PRKCH: variants seen among roughly 807,000 people sequenced by gnomAD.
PRKCH encodes protein kinase C eta.
PRKCH carries 28 observed loss-of-function variants against 82.5 expected under a neutral mutation model. That is an observed-to-expected ratio of 0.34 (90% confidence interval 0.25 to 0.47). The LOEUF (loss-of-function observed/expected upper bound fraction) is 0.47, where lower values mean the gene tolerates loss of function less well. Ranked by LOEUF, PRKCH falls within the 20% of genes least tolerant of loss-of-function variation. PRKCH has a pLI of 1.00. For synonymous variants in PRKCH, 322 were observed against 327.4 expected, an observed-to-expected ratio of 0.98 and a Z score of 0.18; for missense variants, 705 against 881.8, an observed-to-expected ratio of 0.80 and a Z score of 2.54.
intron 1 of PRKCH, among the ~76,000 whole-genome samples, chr14:61,203,232 A>T (rs1197313495): frequency 6.6e-6 from 1 of 152,116 alleles, no homozygotes; most frequent in African/African-American, 2.4e-5. Context: ...CCCAGACAGG[A>T]TGAGATCCAC....
chr14:61,231,362 A>ATTTT lies in PRKCH; in HGVS notation c.-19+43709_-19+43712dup, dbSNP rs10656204. On this transcript the variant is annotated intron_variant, in intron 1 of 3. Coordinates refer to the PRKCH transcript ENST00000555185. ...ATTTAAGAATTGCTAATCCAGATGA[A>ATTTT]TTTTTTTTTTTTTTTTTTGAGACAG... 3.2e-3 allele frequency among the ~76,000 whole-genome samples: 416 copies of ATTTT among 128,510 alleles called. 15 individuals carry two copies. Among genetic ancestry groups the ATTTT allele is most frequent in the African/African-American group, 0.012 (388 of 33,168 alleles). 84.3% of individuals were successfully genotyped at this position (128,510 alleles called of 152,430 possible). A position where few individuals can be genotyped will look rare whatever the true frequency, so the allele number is the denominator to read the frequency against.
chr14:61,205,590 C>T (rs1369883636), intron 1 of PRKCH, among the ~76,000 whole-genome samples: 1 of 152,166 alleles, frequency 6.6e-6, no homozygotes, highest in Admixed American at 6.5e-5. Context: ...GCACTTCCTG[C>T]CGTGCTGACA....
chr14:61,396,899 T>C (rs921789125), intron 2 of PRKCH, among the ~76,000 whole-genome samples: 13 of 152,194 alleles, frequency 8.5e-5, no homozygotes, highest in Non-Finnish European at 1.3e-4. Flanking sequence ...ACAGCGCCAC[T>C]GTTCACTTTC....
At chr14:61,409,912 G>A (rs1002783334) in intron 2 of PRKCH, among the ~76,000 whole-genome samples, 1 of 152,128 alleles carries the variant, frequency 6.6e-6, no homozygotes, top group Non-Finnish European at 1.5e-5. Flanking sequence ...GTTACTAGGA[G>A]CTTGTTAGGT....
At chr14:61,196,197 G>A (rs1211467349) in intron 1 of PRKCH, among the ~76,000 whole-genome samples, 4 of 152,132 alleles carry the variant, frequency 2.6e-5, no homozygotes, top group Non-Finnish European at 5.9e-5. Flanking sequence ...TGCCAGTGAC[G>A]ACATCTATAG....
rs999030224 is a variant in PRKCH, at chr14:61,260,569, G to A, written c.-19+72901G>A. Among the ~76,000 whole-genome samples the A allele has an allele frequency of 4.6e-5, 7 of 152,160 alleles. No homozygotes were observed. The South Asian group carries it at 1.2e-3, about 27-fold the overall frequency. ...TGAATTGTCATGGTGGCATTCTGTA[G>A]CCATTAAACTTTCAGTTGGAATAAT... On this transcript the variant is annotated intron_variant, in intron 1 of 3. Transcript: ENST00000555185.
chr14:61,374,583 G>A (rs899787012), intron 1 of PRKCH, among the ~76,000 whole-genome samples: 4 of 152,132 alleles, frequency 2.6e-5, no homozygotes, highest in Admixed American at 6.5e-5. Flanking sequence ...ACACCCACAG[G>A]CCCAACACTA....
At chr14:61,244,018 A>T (rs1325427611) in intron 1 of PRKCH, among the ~76,000 whole-genome samples, 1 of 152,062 alleles carries the variant, frequency 6.6e-6, no homozygotes, top group African/African-American at 2.4e-5. Context: ...TGAAAGCTGC[A>T]CATCACCGCA....
intron 1 of PRKCH, among the ~76,000 whole-genome samples, chr14:61,296,790 A>G (rs960311616): frequency 1.8e-4 from 28 of 152,222 alleles, no homozygotes; most frequent in Admixed American, 1.7e-3. Flanking sequence ...GTGTATACGC[A>G]TGAGGAACCC....
chr14:61,455,045 T>G (rs1884695138), intron 7 of PRKCH, among the ~76,000 whole-genome samples: 1 of 151,940 alleles, frequency 6.6e-6, no homozygotes, highest in African/African-American at 2.4e-5. Context: ...TTTTTTTTTT[T>G]TTGAGACGGA....
chr14:61,375,537 C>G (rs939211507), intron 1 of PRKCH, among the ~76,000 whole-genome samples: 1 of 152,002 alleles, frequency 6.6e-6, no homozygotes, highest in African/African-American at 2.4e-5. Context: ...CAGATTTCTG[C>G]AGGCTGTACA....
intron 1 of PRKCH, among the ~76,000 whole-genome samples, chr14:61,294,607 G>C (rs1169577602): frequency 6.6e-6 from 1 of 151,926 alleles, no homozygotes; most frequent in African/African-American, 2.4e-5. Flanking sequence ...TAGATTTATT[G>C]ATGGAATATA....
chr14:61,201,278 GTAT>G (rs1221711875), intron 1 of PRKCH, among the ~76,000 whole-genome samples: 3 of 152,068 alleles, frequency 2.0e-5, no homozygotes, highest in Admixed American at 1.3e-4. Flanking sequence ...TTGAGGGTAG[GTAT>G]TATTATCTCA....
At chr14:61,194,146 T>C (rs1207553959) in intron 1 of PRKCH, among the ~76,000 whole-genome samples, 1 of 152,244 alleles carries the variant, frequency 6.6e-6, no homozygotes, top group African/African-American at 2.4e-5. Flanking sequence ...TTATATATTC[T>C]TTAGTTATTC....
At chr14:61,428,032 AATAT>A (rs200826369) in intron 2 of PRKCH, among the ~76,000 whole-genome samples, 1,775 of 141,706 alleles carry the variant, frequency 0.013, 28 homozygotes, top group East Asian at 0.069. Flanking sequence ...CATCTCCACA[AATAT>A]ATATATATAG....
At chr14:61,322,803 A>G in intron 1 of PRKCH, 1 of 265,566 alleles carries the variant, frequency 3.8e-6, no homozygotes, top group East Asian at 7.4e-5. Flanking sequence ...ATAGGTAGGA[A>G]AGGCAGGGAA....
intron 2 of PRKCH, among the ~76,000 whole-genome samples, chr14:61,419,183 A>T (rs563570186): frequency 2.6e-5 from 4 of 152,228 alleles, no homozygotes; most frequent in African/African-American, 4.8e-5. Context: ...CAAATGTCTG[A>T]TGTGAAAATC....
intron 1 of PRKCH, among the ~76,000 whole-genome samples, chr14:61,312,384 T>A (rs1219884447): frequency 2.0e-5 from 3 of 152,216 alleles, no homozygotes; most frequent in Non-Finnish European, 4.4e-5. Flanking sequence ...AGGGTCATGA[T>A]GAATTACAGT....
At chr14:61,466,513 G>T (rs1462772537) in intron 9 of PRKCH, among the ~76,000 whole-genome samples, 1 of 152,186 alleles carries the variant, frequency 6.6e-6, no homozygotes, top group Non-Finnish European at 1.5e-5. Context: ...GGGGGTGAGG[G>T]ATGGAGGGGG....
Sources: gnomAD v4.1 joint callset for allele counts (sites outside exome capture counted in the v4.1 genomes callset) on GRCh38, gnomAD v4.1.1 for gene constraint, MANE v1.5 for transcripts, NCBI Gene and HGNC (gene_info 2026-07-23, HGNC 2026-07-21) for gene names.